Variants in SHTN1 observed in about 807,000 individuals in gnomAD.
SHTN1 encodes the protein shootin-1.
In SHTN1, 42 loss-of-function variants were observed where a neutral mutation model predicts 83.1. That is an observed-to-expected ratio of 0.51 (90% confidence interval 0.39 to 0.65). SHTN1 has a LOEUF of 0.65. Among genes scored for constraint, SHTN1 ranks in the 30% least tolerant of loss-of-function variants. The probability of loss-of-function intolerance (pLI) is 0.00; values close to 1 mark genes in which losing one functional copy is unlikely to be tolerated. For synonymous variants in SHTN1, 224 were observed against 247.7 expected, an observed-to-expected ratio of 0.90 and a Z score of 0.90; for missense variants, 622 against 737.8, an observed-to-expected ratio of 0.84 and a Z score of 1.82.
chr10:117,028,022 T>C (rs1852355102), intron 2 of SHTN1, among the ~76,000 whole-genome samples: 1 of 152,144 alleles, frequency 6.6e-6, no homozygotes, highest in African/African-American at 2.4e-5. Flanking sequence ...TTGCTGATAG[T>C]GGTATTGACA....
chr10:117,009,312 TC>T (rs1424633788), upstream of SHTN1, among the ~76,000 whole-genome samples: 1 of 152,118 alleles, frequency 6.6e-6, no homozygotes, highest in African/African-American at 2.4e-5. Flanking sequence ...ATAAGTCATT[TC>T]TTATTAACTG....
chr10:117,106,711 A>C (rs1195798144), intron 1 of SHTN1, among the ~76,000 whole-genome samples: 1 of 152,012 alleles, frequency 6.6e-6, no homozygotes, highest in Non-Finnish European at 1.5e-5. Context: ...TTCAAACCTC[A>C]CTTCTACTAT....
chr10:117,021,111 G>A (rs1442866819), intron 2 of SHTN1, among the ~76,000 whole-genome samples: 1 of 152,176 alleles, frequency 6.6e-6, no homozygotes, highest in Non-Finnish European at 1.5e-5. Context: ...GGTGGCTCAC[G>A]CCTGTAATCC....
chr10:117,003,010 G>A (rs1420269946), intron 1 of SHTN1, among the ~76,000 whole-genome samples: 1 of 152,154 alleles, frequency 6.6e-6, no homozygotes, highest in African/African-American at 2.4e-5. Flanking sequence ...CATAGGAATG[G>A]AGAATGTGTT....
At chr10:116,905,583 TTGTC>T (rs1412299178) in intron 15 of SHTN1, among the ~76,000 whole-genome samples, 1 of 152,190 alleles carries the variant, frequency 6.6e-6, no homozygotes, top group Non-Finnish European at 1.5e-5. Flanking sequence ...ATTTACTCAA[TTGTC>T]TGAGTAAATC....
At chr10:116,981,417 C>T (rs556049459) in intron 1 of SHTN1, among the ~76,000 whole-genome samples, 2 of 152,150 alleles carry the variant, frequency 1.3e-5, no homozygotes, top group Non-Finnish European at 2.9e-5. Flanking sequence ...CCCCACCACA[C>T]GCACCGCAAG....
intron 1 of SHTN1, among the ~76,000 whole-genome samples, chr10:117,062,046 T>A (rs1047957138): frequency 1.3e-5 from 2 of 152,222 alleles, no homozygotes; most frequent in African/African-American, 4.8e-5. Context: ...TAGGTTCTGC[T>A]AAGGAATTTC....
chr10:116,925,505 T>G (rs1421708993), intron 11 of SHTN1, among the ~76,000 whole-genome samples: 2 of 152,190 alleles, frequency 1.3e-5, no homozygotes, highest in African/African-American at 4.8e-5. Flanking sequence ...CACTTTTGGG[T>G]GTCCAAGTTG....
At chr10:117,018,509 A>T (rs2420304) in intron 2 of SHTN1, among the ~76,000 whole-genome samples, 119,580 of 137,198 alleles carry the variant, frequency 0.87, 51,602 homozygotes, top group Non-Finnish European at 0.93. Context: ...ATTTTTTTTA[A>T]AAAAAAAAAA....
At chr10:116,890,960 G>A (rs753606254) in intron 16 of SHTN1, among the ~76,000 whole-genome samples, 2 of 152,156 alleles carry the variant, frequency 1.3e-5, no homozygotes, top group Non-Finnish European at 2.9e-5. Flanking sequence ...AACTTTCCAC[G>A]TTCCAACTAT....
At chr10:117,065,811 A>G (rs1260392687) in intron 1 of SHTN1, among the ~76,000 whole-genome samples, 2 of 76,472 alleles carry the variant, frequency 2.6e-5, no homozygotes, top group African/African-American at 5.7e-5. Context: ...GAAGGAAGGA[A>G]GGAAGGAAGG....
intron 13 of SHTN1, among the ~76,000 whole-genome samples, chr10:116,912,108 CTTGA>C (rs1848222822): frequency 6.6e-6 from 1 of 152,196 alleles, no homozygotes; most frequent in Non-Finnish European, 1.5e-5. Context: ...ATTGTTACCT[CTTGA>C]TTATTATCAT....
chr10:116,988,994 T>C (rs1315732869), intron 1 of SHTN1, among the ~76,000 whole-genome samples: 5 of 152,172 alleles, frequency 3.3e-5, no homozygotes, highest in Admixed American at 2.0e-4. Context: ...TTAAAATACA[T>C]ATATTTTTTG....
intron 2 of SHTN1, among the ~76,000 whole-genome samples, chr10:116,976,796 TAAAC>T (rs1367221793): frequency 1.3e-5 from 2 of 152,224 alleles, no homozygotes; most frequent in Non-Finnish European, 2.9e-5. Context: ...TAACAGAAGA[TAAAC>T]AGAGTGCAGT....
chr10:116,921,497 G>A lies in SHTN1; in HGVS notation c.1132C>T (p.Arg378Trp), dbSNP rs776358324. The A allele has an allele frequency of 6.2e-6, 10 of 1,613,188 alleles. No homozygotes were observed. Among genetic ancestry groups the A allele is most frequent in the African/African-American group, 2.7e-5 (2 of 74,854 alleles). ...NPIRSLMSMI[R>W]KRSHPSGSGA... ...CTGCCACTGGGGTGGGATCGTTTCC[G>A]GATCATGGACATGAGGGATCTTTGG... Residue 378 changes from arginine (R) to tryptophan (W), a missense_variant, in exon 12 of 17, where the codon CGG becomes TGG. Coordinates refer to ENST00000355371, the MANE Select transcript of SHTN1 (RefSeq NM_001127211.3).
intron 9 of SHTN1, among the ~76,000 whole-genome samples, chr10:116,934,902 T>C (rs1394126481): frequency 1.3e-5 from 2 of 152,214 alleles, no homozygotes; most frequent in African/African-American, 4.8e-5. Context: ...GTAAGTTGTA[T>C]TCCTAGGTAT....
intron 1 of SHTN1, among the ~76,000 whole-genome samples, chr10:116,996,830 G>A (rs1851643796): frequency 6.6e-6 from 1 of 152,066 alleles, no homozygotes; most frequent in African/African-American, 2.4e-5. Flanking sequence ...GTTCTTTTCT[G>A]CTGGTTCCAA....
chr10:117,084,855 T>C (rs1038130019), intron 1 of SHTN1, among the ~76,000 whole-genome samples: 16 of 151,596 alleles, frequency 1.1e-4, no homozygotes, highest in African/African-American at 3.6e-4. Flanking sequence ...CCTGACCCCT[T>C]GCGCTTCCCG....
At position 116,947,660 on chromosome 10, in the gene SHTN1, T is replaced by C. The variant is rs537707756; in HGVS notation, c.616+1256A>G. 4.9e-4 allele frequency among the ~76,000 whole-genome samples: 74 copies of C among 152,268 alleles called. 1 individual carries two copies. The highest frequency in any genetic ancestry group is 1.7e-3 in the African/African-American group (70 of 41,560). ...TCTCTTTTCTATGTCCAGAACACTA[T>C]AATAAAAAGGGAATTTTCACGTGTC... On this transcript the variant is annotated intron_variant, in intron 7 of 16. Coordinates refer to ENST00000355371, the MANE Select transcript of SHTN1 (RefSeq NM_001127211.3).
Sources: gnomAD v4.1 joint callset for allele counts (sites outside exome capture counted in the v4.1 genomes callset) on GRCh38, gnomAD v4.1.1 for gene constraint, MANE v1.5 for transcripts, NCBI Gene and HGNC (gene_info 2026-07-23, HGNC 2026-07-21) for gene names.